The following OCRL variants were observed in gnomAD, a reference collection of about 807,000 sequenced individuals.
OCRL encodes inositol polyphosphate 5-phosphatase OCRL.
A neutral mutation model predicts 78.9 loss-of-function variants in OCRL; 8 were observed. That is an observed-to-expected ratio of 0.10 (90% confidence interval 0.06 to 0.18). The LOEUF is 0.18. OCRL is among the 10% of genes least tolerant of loss of function. OCRL has a pLI of 1.00. For missense variants in OCRL, 454 were observed against 696.7 expected, an observed-to-expected ratio of 0.65 and a Z score of 3.92; for synonymous variants, 240 against 235.4, an observed-to-expected ratio of 1.02 and a Z score of -0.18.
intron 15 of OCRL, among the ~76,000 whole-genome samples, chrX:129,571,008 G>A: frequency 8.9e-6 from 1 of 112,342 alleles, no homozygotes; most frequent in Non-Finnish European, 1.9e-5. Flanking sequence ...ATGGAGAACA[G>A]CAAGTTGAAA....
intron 8 of OCRL, among the ~76,000 whole-genome samples, chrX:129,559,337 T>A (rs1012511306): frequency 9.0e-6 from 1 of 111,726 alleles, no homozygotes; most frequent in Non-Finnish European, 1.9e-5. Flanking sequence ...TAGGTGGAAC[T>A]ACAGGTGCAC....
chrX:129,540,658 G>GGT, intron 1 of OCRL, 86 bp from the exon 2 acceptor site: 1 of 791,461 alleles, frequency 1.3e-6, no homozygotes. Context: ...CGGCGGTGGG[G>GGT]GGGGGGTGGA....
At position 129,558,736 on chromosome X, in the gene OCRL, C is replaced by A; in HGVS notation, c.543C>A (p.Pro181=). 1 of 1,212,153 alleles carries A rather than the reference C, an allele frequency of 8.2e-7. No homozygotes were observed. The highest frequency in any genetic ancestry group is 1.1e-6 in the Non-Finnish European group (1 of 895,446). The change falls in exon 7 of 24, where the codon CCC becomes CCA. Residue 181 remains proline, a synonymous_variant. Coordinates refer to ENST00000371113, the MANE Select transcript of OCRL (RefSeq NM_000276.4). ...TGIHREPPPP[P]FSVNKMLPRE... is the part of the protein sequence containing the mutation. ...TTCATCGGGAACCCCCACCTCCACC[C>A]TTTTCAGTGAATAAAATGTAAGTCC...
At chrX:129,545,869 C>G (rs1046576879) in intron 3 of OCRL, among the ~76,000 whole-genome samples, 8 of 110,397 alleles carry the variant, frequency 7.2e-5, no homozygotes, top group African/African-American at 2.7e-4. Flanking sequence ...TGCACCACCC[C>G]CCAGCTAATT....
chrX:129,560,102 A>T (rs920082544), intron 8 of OCRL, among the ~76,000 whole-genome samples: 1 of 112,212 alleles, frequency 8.9e-6, no homozygotes, highest in Non-Finnish European at 1.9e-5. Context: ...TGTCTGCCTC[A>T]TCAGAATTTC....
chrX:129,575,838 C>T (rs916922382), intron 16 of OCRL, 59 bp from the exon 17 acceptor site: 2 of 1,153,707 alleles, frequency 1.7e-6, no homozygotes, highest in Middle Eastern at 4.7e-4. Context: ...ATGGAATAAT[C>T]CAACTGACTT....
chrX:129,571,466 G>A (rs562543476), intron 15 of OCRL, among the ~76,000 whole-genome samples: 22 of 102,788 alleles, frequency 2.1e-4, no homozygotes, highest in Middle Eastern at 4.9e-3. Flanking sequence ...CTGGGTTCAC[G>A]CCATTCTCTT....
Position 129,589,973 on chromosome X carries a change from C to A in OCRL, c.2581+17C>A. 1 of 1,153,343 alleles carries A rather than the reference C, an allele frequency of 8.7e-7. No individual in the cohort carries two copies. Reference sequence around the variant, plus strand: ...ACATGATCGGTAAGAGTGCTTCATGCAACACGGGGCGTTTGTTGAGAATAC... The same window carrying A: ...ACATGATCGGTAAGAGTGCTTCATGAAACACGGGGCGTTTGTTGAGAATAC... On this transcript the variant is annotated intron_variant, in intron 23 of 23. Transcript: ENST00000371113.
At chrX:129,554,132 G>A (rs1176189112) in intron 4 of OCRL, among the ~76,000 whole-genome samples, 1 of 103,917 alleles carries the variant, frequency 9.6e-6, no homozygotes, top group African/African-American at 3.8e-5. Context: ...AAATCAATGG[G>A]CTGGAGGTTC....
chrX:129,566,420 C>A (rs1463279528), intron 13 of OCRL, among the ~76,000 whole-genome samples: 1 of 112,480 alleles, frequency 8.9e-6, no homozygotes, highest in Non-Finnish European at 1.9e-5. Context: ...GTATTTAAAA[C>A]CTGCAGGAAA....
intron 12 of OCRL, among the ~76,000 whole-genome samples, chrX:129,563,488 C>G (rs1301025320): frequency 9.0e-6 from 1 of 111,569 alleles, no homozygotes; most frequent in Non-Finnish European, 1.9e-5. Context: ...TATTAAATAG[C>G]ACTATTCTAG....
At chrX:129,546,146 G>A (rs1466579056) in intron 3 of OCRL, among the ~76,000 whole-genome samples, 2 of 111,995 alleles carry the variant, frequency 1.8e-5, no homozygotes, top group Non-Finnish European at 3.8e-5. Context: ...AAGAAAATAG[G>A]TCACTTAAAT....
chrX:129,562,294 C>T lies in OCRL; in HGVS notation c.940-90C>T. ...AAGTCAGATTTGGGCACTAGTATAT[C>T]ATCTTGATGGAAAATTAGTCGTGGG... On this transcript the variant is annotated intron_variant, in intron 10 of 23. Transcript: ENST00000371113. 9 of 709,351 alleles carry T rather than the reference C, an allele frequency of 1.3e-5. No individual in the cohort carries two copies. The South Asian group carries it at 1.9e-4, about 15-fold the overall frequency. The allele number at this position is 709,351 out of a possible 1,213,427, so 58.5% of individuals were successfully genotyped here. A position where few individuals can be genotyped will look rare whatever the true frequency, so the allele number is the denominator to read the frequency against.
chrX:129,563,421 T>C (rs1388752516), intron 12 of OCRL, among the ~76,000 whole-genome samples: 1 of 112,584 alleles, frequency 8.9e-6, no homozygotes, highest in African/African-American at 3.2e-5. Context: ...GTTTTTTTTC[T>C]TTTTAAATGC....
intron 18 of OCRL, among the ~76,000 whole-genome samples, chrX:129,577,152 C>T (rs781609397): frequency 9.0e-6 from 1 of 111,532 alleles, no homozygotes; most frequent in Non-Finnish European, 1.9e-5. Flanking sequence ...CAGGTACCCT[C>T]ACTTCTGGCA....
intron 1 of OCRL, 55 bp downstream of exon 1, chrX:129,540,533 C>T (rs1393855433): frequency 2.7e-5 from 9 of 334,515 alleles, no homozygotes; most frequent in South Asian, 1.5e-4. Flanking sequence ...GGGTGGGGGT[C>T]GGGGGCCCTG....
rs1377582679 is a variant in OCRL at position 129,567,381 on chromosome X, T to C, written c.1466+18T>C. ...GATTCCAGGTAAAGTAATAAGAACC[T>C]TCTCACAGAGAAGGTTAAGGCTTGA... On this transcript the variant is annotated intron_variant, in intron 14 of 23. Coordinates refer to ENST00000371113, the MANE Select transcript of OCRL (RefSeq NM_000276.4). The C allele has an allele frequency of 9.5e-7, 1 of 1,054,716 alleles. No homozygotes were observed. The highest frequency in any genetic ancestry group is 3.0e-5 in the East Asian group (1 of 33,197). The allele number at this position is 1,054,716 out of a possible 1,213,427, so 86.9% of individuals were successfully genotyped here. A position where few individuals can be genotyped will look rare whatever the true frequency, so the allele number is the denominator to read the frequency against.
chrX:129,565,712 C>T (rs1042799599), intron 12 of OCRL, 60 bp from the exon 13 acceptor site: 8 of 889,967 alleles, frequency 9.0e-6, no homozygotes, highest in Admixed American at 8.9e-5. Flanking sequence ...TTCTCTCCAT[C>T]CTTCTCTGTT....
At chrX:129,540,655 G>GT (rs1556337118) in intron 1 of OCRL, 89 bp from the exon 2 acceptor site, 2 of 566,721 alleles carry the variant, frequency 3.5e-6, no homozygotes, top group South Asian at 2.6e-5. Context: ...GGGCGGCGGT[G>GT]GGGGGGGGGT....
Sources: gnomAD v4.1 joint callset for allele counts (sites outside exome capture counted in the v4.1 genomes callset) on GRCh38, gnomAD v4.1.1 for gene constraint, MANE v1.5 for transcripts, NCBI Gene and HGNC (gene_info 2026-07-23, HGNC 2026-07-21) for gene names.